The following CEP295 variants were observed in gnomAD, a reference collection of about 807,000 sequenced individuals.
CEP295 encodes centrosomal protein 295.
CEP295 carries 190 observed loss-of-function variants against 291.6 expected under a neutral mutation model. The observed-to-expected ratio is 0.65, with a 90% CI of 0.58 to 0.73. The LOEUF is 0.73. Ranked by LOEUF, CEP295 falls within the 30% of genes least tolerant of loss-of-function variation. The pLI is 0.00. For missense variants in CEP295, 2,863 were observed against 2,949.4 expected, an observed-to-expected ratio of 0.97 and a Z score of 0.68; for synonymous variants, 993 against 1,038.8, an observed-to-expected ratio of 0.96 and a Z score of 0.85.
In CEP295 at chr11:93,707,024, T is replaced by C. The variant is rs577022837; in HGVS notation, c.5749+127T>C. The C allele has an allele frequency of 6.3e-6, 5 of 792,176 alleles. No individual in the cohort carries two copies. The East Asian group carries it at 1.4e-4, about 22-fold the overall frequency. 49.1% of individuals were successfully genotyped at this position (792,176 alleles called of 1,614,324 possible). On this transcript the variant is annotated intron_variant, in intron 18 of 29. Coordinates refer to ENST00000325212, the MANE Select transcript of CEP295 (RefSeq NM_033395.2). ...TAGTTACTGCTGTTAATGGAATCGT[T>C]ATGATGCAGTTAACTATATTGTTCT...
At chr11:93,703,518 C>T (rs929912776) in intron 17 of CEP295, among the ~76,000 whole-genome samples, 1 of 151,118 alleles carries the variant, frequency 6.6e-6, no homozygotes, top group African/African-American at 2.4e-5. Flanking sequence ...GACAGTCTTG[C>T]TCCCCGTTTC....
Position 93,723,187 on chromosome 11 carries a change from C to A in CEP295, c.6094C>A (p.Pro2032Thr). ...TTCAGACGTTCATAAATCTCTGTTG[C>A]CTGCAGTGGATGAAACTACATGTGG... The part of the protein sequence containing the change: ...NSSDVHKSLL[P>T]AVDETTCGHT... Residue 2032 changes from proline to threonine, a missense_variant, in exon 21 of 30, where the codon CCT becomes ACT. This residue lies in a region of CEP295 where 2,295 missense variants were observed against 2,335.7 expected (regional missense o/e 0.98). Transcript: ENST00000325212. The A allele has an allele frequency of 2.6e-6, 4 of 1,551,972 alleles. No individual in the cohort carries two copies. Among genetic ancestry groups the A allele is most frequent in the Non-Finnish European group, 3.5e-6 (4 of 1,147,016 alleles).
At chr11:93,683,165 T>C (rs1951056177) in intron 7 of CEP295, among the ~76,000 whole-genome samples, 1 of 152,200 alleles carries the variant, frequency 6.6e-6, no homozygotes, top group Admixed American at 6.5e-5. Context: ...TATGGAGAAC[T>C]GGAACAAAGT....
chr11:93,666,506 A>G (rs1950213080), intron 1 of CEP295, among the ~76,000 whole-genome samples, 176 bp from the exon 2 acceptor site: 1 of 152,156 alleles, frequency 6.6e-6, no homozygotes, highest in South Asian at 2.1e-4. Flanking sequence ...AGGCATGAGA[A>G]TCGCTTGAAC....
At chr11:93,675,768 A>G in intron 6 of CEP295, 102 bp downstream of exon 6, 1 of 602,228 alleles carries the variant, frequency 1.7e-6, no homozygotes, top group Non-Finnish European at 2.8e-6. Context: ...AGATTTCAAA[A>G]TTTGGACAAT....
At chr11:93,693,790 A>G (rs1186249002) in intron 12 of CEP295, among the ~76,000 whole-genome samples, 1 of 152,246 alleles carries the variant, frequency 6.6e-6, no homozygotes, top group East Asian at 1.9e-4. Flanking sequence ...AAAATTTCTC[A>G]TCAATAGTCT....
intron 6 of CEP295, among the ~76,000 whole-genome samples, chr11:93,676,559 A>G (rs577565051): frequency 1.3e-5 from 2 of 152,178 alleles, no homozygotes; most frequent in African/African-American, 4.8e-5. Context: ...AAGAACTAAA[A>G]TGAATATCAT....
Position 93,699,769 on chromosome 11 carries a change from A to G in CEP295, c.4857A>G (p.Lys1619=), listed in dbSNP as rs920361291. ...GGGAAGTGATGTATTCTTATGAGAA[A>G]CCCCAGGAAGAACTGTCTTTAAACA... The part of the protein sequence containing the change: ...AQREVMYSYE[K]PQEELSLNKQ... Residue 1619 remains lysine, a synonymous_variant, in exon 15 of 30, where the codon AAA becomes AAG. Coordinates refer to ENST00000325212, the MANE Select transcript of CEP295 (RefSeq NM_033395.2). The G allele has an allele frequency of 3.9e-5, 61 of 1,552,008 alleles. No homozygotes were observed. The Admixed American group carries it at 1.2e-3, about 30-fold the overall frequency.
chr11:93,721,751 G>C (rs763188111), intron 19 of CEP295: 1 of 739,166 alleles, frequency 1.4e-6, no homozygotes, highest in South Asian at 1.4e-5. Context: ...ATGAGATTGA[G>C]GGTGGGGGGG....
intron 10 of CEP295, among the ~76,000 whole-genome samples, chr11:93,690,656 A>G (rs1035330967): frequency 1.4e-5 from 2 of 143,484 alleles, no homozygotes; most frequent in Admixed American, 7.3e-5. Flanking sequence ...GGTGTAAACC[A>G]GAGGCAGAGC....
intron 25 of CEP295, chr11:93,729,096 C>T: frequency 2.0e-6 from 1 of 493,762 alleles, no homozygotes. Context: ...GAAGTTTTAC[C>T]TAAACTTATT....
intron 18 of CEP295, chr11:93,719,557 C>T (rs1000336557): frequency 6.6e-6 from 1 of 151,956 alleles, no homozygotes; most frequent in Non-Finnish European, 1.5e-5. Flanking sequence ...GGTGAGCCAC[C>T]ATGCCTACCT....
chr11:93,677,596 A>G (rs1950757904), intron 6 of CEP295, among the ~76,000 whole-genome samples: 1 of 152,158 alleles, frequency 6.6e-6, no homozygotes, highest in South Asian at 2.1e-4. Context: ...CATGGGCTTC[A>G]TCATGTCTAT....
chr11:93,672,131 G>T (rs1433172138), intron 5 of CEP295, among the ~76,000 whole-genome samples: 1 of 152,174 alleles, frequency 6.6e-6, no homozygotes, highest in Non-Finnish European at 1.5e-5. Context: ...TAATAGGTAA[G>T]TGCGATAACC....
Position 93,699,071 on chromosome 11 carries a change from A to AT in CEP295, c.4160dup (p.Ser1388IlefsTer6). On this transcript the variant is annotated frameshift_variant, in exon 15 of 30. Coordinates refer to ENST00000325212, the MANE Select transcript of CEP295 (RefSeq NM_033395.2). LOFTEE classifies it high-confidence loss of function. ...ACATCAGAGTGAATGGGAGGGAAGA[A>AT]TATCTCCCGAGCAGGTTGACACCTC... 6.5e-7 allele frequency: 1 copy of AT among 1,546,392 alleles called. No individual in the cohort carries two copies. The highest frequency in any genetic ancestry group is 8.7e-7 in the Non-Finnish European group (1 of 1,147,046).
intron 3 of CEP295, 142 bp from the exon 4 acceptor site, chr11:93,668,666 G>T: frequency 3.3e-6 from 2 of 605,822 alleles, no homozygotes; most frequent in Non-Finnish European, 5.8e-6. Context: ...ATCATCAGTG[G>T]TACTGTTGTC....
At chr11:93,719,053 A>G (rs1953480785) in intron 18 of CEP295, among the ~76,000 whole-genome samples, 1 of 152,164 alleles carries the variant, frequency 6.6e-6, no homozygotes, top group African/African-American at 2.4e-5. Context: ...GTTTGCAGTG[A>G]GCCAAGATCG....
rs1218152389 is a variant in CEP295 at position 93,691,965 on chromosome 11, A to G, written c.1468A>G (p.Ser490Gly). The change falls in exon 12 of 30, where the codon AGT becomes GGT. Residue 490 changes from serine (S) to glycine (G), a missense_variant. Transcript: ENST00000325212. ...TCTGCCTATCACAACTGTAGCTCAG[A>G]GTTCAGTTCTACTTCATCCTCAAGA... ...ETLPITTVAQ[S>G]SVLLHPQEAA... is the part of the protein sequence containing the mutation. 2 of 1,546,638 alleles carry G rather than the reference A, an allele frequency of 1.3e-6. No individual in the cohort carries two copies. The highest frequency in any genetic ancestry group is 2.0e-5 in the Admixed American group (1 of 50,892).
chr11:93,671,550 T>C (rs924521371), intron 5 of CEP295, among the ~76,000 whole-genome samples: 1 of 152,178 alleles, frequency 6.6e-6, no homozygotes, highest in Admixed American at 6.5e-5. Context: ...TTCTTTTTAG[T>C]GGAGAAGTGG....
Sources: allele counts gnomAD v4.1 joint callset (sites outside exome capture counted in the v4.1 genomes callset), GRCh38; gene constraint gnomAD v4.1.1; regional missense constraint gnomAD v4.1.1; transcripts MANE v1.5; gene names NCBI Gene and HGNC (gene_info 2026-07-23, HGNC 2026-07-21).